The following SNTG1 variants were observed in gnomAD, a reference collection of about 807,000 sequenced individuals.
SNTG1 encodes gamma-1-syntrophin.
Under a neutral mutation model 74.7 loss-of-function variants are expected in SNTG1, and 39 were observed. The observed-to-expected ratio is 0.52, with a 90% CI of 0.40 to 0.68. The LOEUF (loss-of-function observed/expected upper bound fraction) is 0.68, where lower values mean the gene tolerates loss of function less well. SNTG1 is among the 30% of genes least tolerant of loss of function. SNTG1 has a pLI of 0.00. For synonymous variants in SNTG1, 254 were observed against 217.1 expected (o/e 1.17, Z -1.49); for missense variants, 685 against 609.5 (o/e 1.12, Z -1.30).
intron 5 of SNTG1, among the ~76,000 whole-genome samples, chr8:50,444,902 A>G (rs536975503): frequency 1.7e-4 from 26 of 152,336 alleles, no homozygotes; most frequent in African/African-American, 6.0e-4. Flanking sequence ...TTATTGAGGT[A>G]TAATTCCAAT....
chr8:50,718,252 A>G (rs958696435), intron 17 of SNTG1, among the ~76,000 whole-genome samples: 7 of 152,200 alleles, frequency 4.6e-5, no homozygotes, highest in Admixed American at 3.3e-4. Flanking sequence ...TTGACAGAAC[A>G]CTGACAGAGG....
At position 50,021,082 on chromosome 8, in the gene SNTG1, C is replaced by T. The variant is rs1816774196; in HGVS notation, c.-103+108851C>T. Among the ~76,000 whole-genome samples, 4 of 152,202 alleles carry T rather than the reference C, an allele frequency of 2.6e-5. No homozygotes were observed. In the South Asian group the frequency reaches 8.3e-4, roughly 32 times the overall value. ...AGGAGGTGGCATTTGAACCACAGTT[C>T]CAGGTATTGCTTTTGCCCACAAAAG... On this transcript the variant is annotated intron_variant, in intron 1 of 18. Transcript: ENST00000642720.
At chr8:50,029,913 G>A (rs1251181540) in intron 1 of SNTG1, among the ~76,000 whole-genome samples, 1 of 152,036 alleles carries the variant, frequency 6.6e-6, no homozygotes, top group Non-Finnish European at 1.5e-5. Flanking sequence ...CATTTTCTGA[G>A]GAATCTCCAA....
At chr8:50,597,533 CTT>C (rs1252019655) in intron 13 of SNTG1, among the ~76,000 whole-genome samples, 1 of 151,638 alleles carries the variant, frequency 6.6e-6, no homozygotes, top group African/African-American at 2.4e-5. Flanking sequence ...GCAGCTATCT[CTT>C]TGACATACTG....
At chr8:50,602,269 A>T (rs1179116265) in intron 13 of SNTG1, among the ~76,000 whole-genome samples, 1 of 149,492 alleles carries the variant, frequency 6.7e-6, no homozygotes, top group Non-Finnish European at 1.5e-5. Context: ...TTTTTATATT[A>T]TTTGTGTATC....
chr8:49,989,876 G>GA (rs1480784300), intron 1 of SNTG1, among the ~76,000 whole-genome samples: 1 of 151,856 alleles, frequency 6.6e-6, no homozygotes, highest in Non-Finnish European at 1.5e-5. Flanking sequence ...TAATATAAAA[G>GA]AAAAGCATAT....
intron 1 of SNTG1, among the ~76,000 whole-genome samples, chr8:50,142,930 T>C (rs991965468): frequency 2.0e-5 from 3 of 151,798 alleles, no homozygotes; most frequent in Non-Finnish European, 4.4e-5. Context: ...AAAAATTAGC[T>C]GGGTCTGGTG....
At chr8:49,987,254 T>A (rs937186736) in intron 1 of SNTG1, among the ~76,000 whole-genome samples, 1 of 152,026 alleles carries the variant, frequency 6.6e-6, no homozygotes, top group Non-Finnish European at 1.5e-5. Context: ...CCTGAAAAAT[T>A]AAGAGTATAA....
At position 50,381,806 on chromosome 8, in the gene SNTG1, C is replaced by T. The variant is rs2092490637; in HGVS notation, c.-27-12406C>T. 4.0e-5 allele frequency: 5 copies of T among 125,688 alleles called. No individual in the cohort carries two copies. In the South Asian group the frequency reaches 1.3e-3, roughly 32 times the overall value. 7.8% of individuals were successfully genotyped at this position (125,688 alleles called of 1,614,324 possible). A position where few individuals can be genotyped will look rare whatever the true frequency, so the allele number is the denominator to read the frequency against. ...GATATATATATATATCCTATTAGTT[C>T]TGTAGCTATATATATAACATATATA... On this transcript the variant is annotated intron_variant, in intron 2 of 18. Transcript: ENST00000642720.
At chr8:50,095,721 C>A (rs755306920) in intron 1 of SNTG1, among the ~76,000 whole-genome samples, 11 of 151,892 alleles carry the variant, frequency 7.2e-5, no homozygotes, top group Admixed American at 2.0e-4. Flanking sequence ...TTGTTTATTT[C>A]TTTTAAAGTG....
intron 2 of SNTG1, among the ~76,000 whole-genome samples, chr8:50,299,540 T>A (rs2089549483): frequency 6.6e-6 from 1 of 152,104 alleles, no homozygotes; most frequent in Non-Finnish European, 1.5e-5. Flanking sequence ...ATTGAAATAT[T>A]TGAGTCACAT....
rs1393340409 is a variant in SNTG1, at chr8:50,041,034, T to C, written c.-103+128803T>C. Among the ~76,000 whole-genome samples, 4 of 152,090 alleles carry C rather than the reference T, an allele frequency of 2.6e-5. No individual in the cohort carries two copies. In the East Asian group the frequency reaches 7.8e-4, roughly 29 times the overall value. On this transcript the variant is annotated intron_variant, in intron 1 of 18. Transcript: ENST00000642720. ...GCCTCAGCCTCCCAAGTAACTGGGATTACAGGCATGTTCCACCATGCCCGG... is the reference window on the plus strand; with the variant it reads ...GCCTCAGCCTCCCAAGTAACTGGGACTACAGGCATGTTCCACCATGCCCGG...
chr8:49,998,369 CAT>C (rs1172646021), intron 1 of SNTG1, among the ~76,000 whole-genome samples: 3 of 152,046 alleles, frequency 2.0e-5, no homozygotes, highest in East Asian at 1.9e-4. Flanking sequence ...GTTTATAAAA[CAT>C]ATTTTTCTTT....
intron 18 of SNTG1, among the ~76,000 whole-genome samples, chr8:50,779,571 C>T (rs1158254096): frequency 2.4e-4 from 37 of 151,846 alleles, no homozygotes; most frequent in East Asian, 5.8e-4. Context: ...GAGACTTTGC[C>T]GAAGTTGCTT....
At chr8:50,588,457 T>C (rs551666022) in intron 12 of SNTG1, among the ~76,000 whole-genome samples, 41 of 152,306 alleles carry the variant, frequency 2.7e-4, no homozygotes, top group Non-Finnish European at 4.4e-4. Context: ...CTTCCATTCC[T>C]GTGCAGTCAG....
At chr8:50,261,868 C>A (rs4295673) in intron 2 of SNTG1, among the ~76,000 whole-genome samples, 135,500 of 152,076 alleles carry the variant, frequency 0.89, 61,922 homozygotes, top group East Asian at 1. Flanking sequence ...GATAAAAAGA[C>A]AAACAAGGAA....
chr8:50,774,515 C>G lies in SNTG1; in HGVS notation c.1396-18156C>G, dbSNP rs536170547. Among the ~76,000 whole-genome samples the G allele has an allele frequency of 7.3e-5, 11 of 151,680 alleles. No homozygotes were observed. The East Asian group carries it at 2.1e-3, about 29-fold the overall frequency. Reference sequence around the variant, plus strand: ...TTCTTATTTAGTGAAACTCTCCTTCCAAAGTGGAGGAGAATTAAGTCATTA... The same window carrying G: ...TTCTTATTTAGTGAAACTCTCCTTCGAAAGTGGAGGAGAATTAAGTCATTA... On this transcript the variant is annotated intron_variant, in intron 18 of 18. Coordinates refer to ENST00000642720, the MANE Select transcript of SNTG1 (RefSeq NM_018967.5).
intron 15 of SNTG1, among the ~76,000 whole-genome samples, chr8:50,677,578 G>T (rs747951744): frequency 2.0e-5 from 3 of 151,812 alleles, no homozygotes; most frequent in Non-Finnish European, 4.4e-5. Flanking sequence ...GACTTAATTT[G>T]TTTAGATTTC....
intron 1 of SNTG1, among the ~76,000 whole-genome samples, chr8:50,148,456 G>A (rs186306159): frequency 6.6e-6 from 1 of 151,942 alleles, no homozygotes; most frequent in Non-Finnish European, 1.5e-5. Context: ...TGTGCACAAC[G>A]TGCAGGTTTG....
Sources: allele counts gnomAD v4.1 joint callset (sites outside exome capture counted in the v4.1 genomes callset), GRCh38; gene constraint gnomAD v4.1.1; transcripts MANE v1.5; gene names NCBI Gene and HGNC (gene_info 2026-07-23, HGNC 2026-07-21).